SPMIP4: variants seen among roughly 807,000 people sequenced by gnomAD.
The protein encoded by SPMIP4 is sperm-associated microtubule inner protein 4.
the SPMIP4 span, chr7:25,151,516 T>C: frequency 1.1e-6 from 1 of 889,802 alleles, no homozygotes. Context: ...TGCCACCATG[T>C]CAAGCCTAGA....
chr7:25,172,215 A>T, the SPMIP4 span, among the ~76,000 whole-genome samples: 1 of 152,178 alleles, frequency 6.6e-6, no homozygotes, highest in South Asian at 2.1e-4. This position sits in a 1 kb window ranked among gnomAD's most constrained non-coding sequence, Gnocchi z 4.2. Context: ...AGAGACTCTG[A>T]AAGTATGGGT....
At chr7:25,141,895 G>T in the SPMIP4 span, among the ~76,000 whole-genome samples, 6 of 151,980 alleles carry the variant, frequency 3.9e-5, no homozygotes, top group Non-Finnish European at 7.4e-5. Flanking sequence ...GTGCCACCAC[G>T]CCTGGCTAAT....
At chr7:25,146,958 T>C in the SPMIP4 span, among the ~76,000 whole-genome samples, 1 of 152,144 alleles carries the variant, frequency 6.6e-6, no homozygotes, top group Non-Finnish European at 1.5e-5. Context: ...AGCCTTCACT[T>C]GAGTAAGCAA....
the SPMIP4 span, chr7:25,136,515 T>C: frequency 6.2e-7 from 1 of 1,614,072 alleles, no homozygotes; most frequent in South Asian, 1.1e-5. This position sits in a 1 kb window ranked among gnomAD's most constrained non-coding sequence, Gnocchi z 5.7. Flanking sequence ...AAGATGGGAG[T>C]TCATAGGTAG....
the SPMIP4 span, chr7:25,158,448 A>ATT: frequency 7.5e-7 from 1 of 1,337,438 alleles, no homozygotes. Context: ...GGAAATGTCA[A>ATT]TTTTTTTTTC....
chr7:25,152,748 CTTT>C, the SPMIP4 span, among the ~76,000 whole-genome samples: 5 of 120,374 alleles, frequency 4.2e-5, no homozygotes, highest in Admixed American at 8.5e-5. Flanking sequence ...CGTTGTCTCT[CTTT>C]TTTTTTTTTT....
chr7:25,158,280 A>G, the SPMIP4 span, among the ~76,000 whole-genome samples: 1 of 150,448 alleles, frequency 6.6e-6, no homozygotes, highest in Non-Finnish European at 1.5e-5. Flanking sequence ...AGGTGGAAGG[A>G]TCACCTCATC....
At chr7:25,157,271 C>T in the SPMIP4 span, among the ~76,000 whole-genome samples, 7 of 152,218 alleles carry the variant, frequency 4.6e-5, no homozygotes, top group Non-Finnish European at 7.3e-5. Context: ...GGAATCGATA[C>T]ATCTCCCATG....
At chr7:25,153,822 G>A in the SPMIP4 span, among the ~76,000 whole-genome samples, 2 of 152,152 alleles carry the variant, frequency 1.3e-5, no homozygotes, top group Non-Finnish European at 2.9e-5. Context: ...CATGGTGCTC[G>A]ATACTAACAG....
chr7:25,174,224 C>T, the SPMIP4 span, among the ~76,000 whole-genome samples: 1 of 151,820 alleles, frequency 6.6e-6, no homozygotes, highest in Non-Finnish European at 1.5e-5. This position sits in a 1 kb window ranked among gnomAD's most constrained non-coding sequence, Gnocchi z 4.5. Flanking sequence ...CTCTCTCCCT[C>T]TTTTCCTCCC....
chr7:25,155,277 G>A, the SPMIP4 span: 10 of 1,271,380 alleles, frequency 7.9e-6, no homozygotes, highest in African/African-American at 6.0e-5. Flanking sequence ...AATTTATTGG[G>A]ACCCTTTTTT....
chr7:25,144,501 G>T, the SPMIP4 span, among the ~76,000 whole-genome samples: 1 of 152,218 alleles, frequency 6.6e-6, no homozygotes, highest in Non-Finnish European at 1.5e-5. Context: ...TGGCCATGAG[G>T]TATATACCAG....
the SPMIP4 span, among the ~76,000 whole-genome samples, chr7:25,152,745 TCTC>T: frequency 2.3e-5 from 3 of 131,056 alleles, no homozygotes; most frequent in African/African-American, 6.0e-5. Flanking sequence ...CTTCGTTGTC[TCTC>T]TTTTTTTTTT....
the SPMIP4 span, chr7:25,155,094 G>A: frequency 4.4e-5 from 71 of 1,614,020 alleles, no homozygotes; most frequent in Non-Finnish European, 5.3e-5. Flanking sequence ...TTTAATGCCC[G>A]TGTAGAGGTC....
chr7:25,162,759 T>C, the SPMIP4 span, among the ~76,000 whole-genome samples: 1 of 152,106 alleles, frequency 6.6e-6, no homozygotes, highest in East Asian at 1.9e-4. Flanking sequence ...GGATTTGGCA[T>C]TTATTTATTT....
At chr7:25,141,826 C>T in the SPMIP4 span, among the ~76,000 whole-genome samples, 1 of 152,080 alleles carries the variant, frequency 6.6e-6, no homozygotes, top group South Asian at 2.1e-4. Flanking sequence ...CAACCTCTGC[C>T]TCCTGGGTTC....
chr7:25,169,253 AT>A, the SPMIP4 span, among the ~76,000 whole-genome samples: 198 of 152,160 alleles, frequency 1.3e-3, 2 homozygotes, highest in Non-Finnish European at 2.9e-4. Flanking sequence ...TAATTAAAAA[AT>A]AAAGTGTATA....
the SPMIP4 span, among the ~76,000 whole-genome samples, chr7:25,168,950 C>G: frequency 6.6e-6 from 1 of 151,086 alleles, no homozygotes; most frequent in Non-Finnish European, 1.5e-5. Context: ...TGGTCTCGAA[C>G]TCCTGACCTC....
chr7:25,169,951 G>C, the SPMIP4 span, among the ~76,000 whole-genome samples: 1 of 152,114 alleles, frequency 6.6e-6, no homozygotes, highest in Admixed American at 6.6e-5. Context: ...TTCATCAGTT[G>C]ATGGACATTT....
Sources: allele counts gnomAD v4.1 joint callset (sites outside exome capture counted in the v4.1 genomes callset), GRCh38; gene constraint gnomAD v4.1.1; non-coding constraint Gnocchi (gnomAD v3.1); transcripts MANE v1.5; gene names NCBI Gene and HGNC (gene_info 2026-07-23, HGNC 2026-07-21).